The following FCHSD2 variants were observed in gnomAD, a reference collection of about 807,000 sequenced individuals.
FCHSD2 encodes the protein F-BAR and double SH3 domains protein 2.
FCHSD2 carries 38 observed loss-of-function variants against 108.1 expected under a neutral mutation model. That is an observed-to-expected ratio of 0.35 (90% CI 0.27 to 0.46). The LOEUF is 0.46. Ranked by LOEUF, FCHSD2 falls within the 20% of genes least tolerant of loss-of-function variation. FCHSD2 has a pLI of 1.00. For synonymous variants in FCHSD2, 279 were observed against 314.7 expected (o/e 0.89, Z 1.20); for missense variants, 751 against 897.8 (o/e 0.84, Z 2.09).
chr11:73,112,323 G>C (rs887900863), intron 2 of FCHSD2, among the ~76,000 whole-genome samples: 1 of 152,114 alleles, frequency 6.6e-6, no homozygotes, highest in Non-Finnish European at 1.5e-5. Context: ...ACTCTTTCCT[G>C]GTCTGTAAGG....
At chr11:72,839,344 A>G (rs1227359388) in intron 19 of FCHSD2, among the ~76,000 whole-genome samples, 10 of 152,220 alleles carry the variant, frequency 6.6e-5, no homozygotes, top group African/African-American at 9.6e-5. Context: ...TCTGTAGGCA[A>G]AAGAGGAGTT....
At chr11:72,858,680 C>G (rs1352128968) in intron 13 of FCHSD2, among the ~76,000 whole-genome samples, 4 of 152,136 alleles carry the variant, frequency 2.6e-5, no homozygotes, top group African/African-American at 4.8e-5. Context: ...GGCTTAACAC[C>G]TGGGTGATGA....
intron 8 of FCHSD2, among the ~76,000 whole-genome samples, chr11:72,951,098 G>A (rs544276031): frequency 6.6e-6 from 1 of 152,318 alleles, no homozygotes; most frequent in African/African-American, 2.4e-5. Flanking sequence ...CTGAGTCTCT[G>A]AATAACTTCA....
intron 2 of FCHSD2, among the ~76,000 whole-genome samples, chr11:73,094,996 A>G (rs1253202161): frequency 1.3e-5 from 2 of 152,214 alleles, no homozygotes; most frequent in Admixed American, 6.5e-5. Flanking sequence ...GATTTCAGGA[A>G]TTCTACTAAA....
intron 8 of FCHSD2, among the ~76,000 whole-genome samples, chr11:72,959,036 C>T (rs190944507): frequency 8.7e-5 from 13 of 149,770 alleles, no homozygotes; most frequent in Admixed American, 3.3e-4. Context: ...TACATCCATG[C>T]GTGCATGGGA....
chr11:72,935,331 C>T (rs917496278), intron 8 of FCHSD2, among the ~76,000 whole-genome samples: 1 of 152,148 alleles, frequency 6.6e-6, no homozygotes, highest in Admixed American at 6.5e-5. Context: ...CCAGGAGGGG[C>T]ACAGATTCTT....
intron 10 of FCHSD2, among the ~76,000 whole-genome samples, chr11:72,893,238 G>A (rs1045611039): frequency 2.6e-5 from 4 of 151,958 alleles, no homozygotes; most frequent in Non-Finnish European, 5.9e-5. Flanking sequence ...CTGTCCTCAA[G>A]TGATCCACCT....
chr11:73,006,873 G>A (rs1213495855), intron 4 of FCHSD2, among the ~76,000 whole-genome samples: 3 of 152,198 alleles, frequency 2.0e-5, no homozygotes, highest in Non-Finnish European at 4.4e-5. Flanking sequence ...AGGAGGAGAG[G>A]AAGGAATGAT....
intron 3 of FCHSD2, among the ~76,000 whole-genome samples, chr11:73,051,868 AACACACACACACACACACACACACAC>A (rs61511109): frequency 4.9e-5 from 7 of 141,732 alleles, no homozygotes; most frequent in East Asian, 2.1e-4. Flanking sequence ...ACGGTATATA[AACACACACACACACACACACACACAC>A]ACACACACAC....
intron 8 of FCHSD2, among the ~76,000 whole-genome samples, chr11:72,960,162 A>T (rs1240033997): frequency 1.3e-5 from 2 of 152,096 alleles, no homozygotes; most frequent in Non-Finnish European, 2.9e-5. Flanking sequence ...TTACAGTCAT[A>T]GTGGAAGGCG....
chr11:73,059,258 C>A (rs1023830940), intron 3 of FCHSD2, among the ~76,000 whole-genome samples: 1 of 151,494 alleles, frequency 6.6e-6, no homozygotes, highest in Admixed American at 6.6e-5. Context: ...GTGTGAACTA[C>A]GGTTTATTTA....
At chr11:73,039,851 T>C (rs1358355114) in intron 3 of FCHSD2, among the ~76,000 whole-genome samples, 1 of 152,052 alleles carries the variant, frequency 6.6e-6, no homozygotes, top group Admixed American at 6.5e-5. Context: ...TAATTTATAA[T>C]TTATAGAATA....
chr11:73,033,782 G>A, intron 3 of FCHSD2, among the ~76,000 whole-genome samples: 1 of 152,182 alleles, frequency 6.6e-6, no homozygotes, highest in East Asian at 1.9e-4. Flanking sequence ...TTAGTTATGA[G>A]TATTCTTGGA....
intron 8 of FCHSD2, among the ~76,000 whole-genome samples, chr11:72,948,509 T>A (rs1856561857): frequency 6.6e-6 from 1 of 152,174 alleles, no homozygotes. Context: ...AGACAAAGAA[T>A]ATAGTTTATT....
At chr11:72,944,172 C>T (rs988010283) in intron 8 of FCHSD2, among the ~76,000 whole-genome samples, 1 of 152,142 alleles carries the variant, frequency 6.6e-6, no homozygotes, top group East Asian at 1.9e-4. Context: ...CAAACTGAAT[C>T]GAGCAGCACA....
chr11:73,125,823 T>C (rs1275468436), intron 2 of FCHSD2, among the ~76,000 whole-genome samples: 2 of 152,100 alleles, frequency 1.3e-5, no homozygotes, highest in Non-Finnish European at 2.9e-5. Flanking sequence ...ACAATTTCAA[T>C]TGATTCAATG....
At chr11:73,078,998 C>A (rs189982556) in intron 3 of FCHSD2, among the ~76,000 whole-genome samples, 3 of 152,086 alleles carry the variant, frequency 2.0e-5, no homozygotes, top group Non-Finnish European at 1.5e-5. Context: ...GGATTACAGG[C>A]GTGCGCTACC....
At chr11:73,026,805 G>C (rs1189226485) in intron 3 of FCHSD2, among the ~76,000 whole-genome samples, 1 of 152,160 alleles carries the variant, frequency 6.6e-6, no homozygotes, top group Non-Finnish European at 1.5e-5. Flanking sequence ...GACAGCAAGT[G>C]AGTTCTCATG....
At chr11:73,059,065 C>T (rs532134813) in intron 3 of FCHSD2, among the ~76,000 whole-genome samples, 1 of 152,086 alleles carries the variant, frequency 6.6e-6, no homozygotes, top group Non-Finnish European at 1.5e-5. Context: ...GAACTGTACT[C>T]AATTCAACAA....
Sources: gnomAD v4.1 joint callset for allele counts (sites outside exome capture counted in the v4.1 genomes callset) on GRCh38, gnomAD v4.1.1 for gene constraint, MANE v1.5 for transcripts, NCBI Gene and HGNC (gene_info 2026-07-23, HGNC 2026-07-21) for gene names.